GH2: variants seen among roughly 807,000 people sequenced by gnomAD.
The protein encoded by GH2 is growth hormone variant.
In GH2, 17 loss-of-function variants were observed where a neutral mutation model predicts 24.1. The ratio of observed to expected loss-of-function variants is 0.71; its 90% CI spans 0.48 to 1.06. The LOEUF is 1.06. GH2 is among the 50% of genes least tolerant of loss of function. GH2 has a pLI of 0.00. For synonymous variants in GH2, 126 were observed against 118.7 expected (o/e 1.06, Z -0.40); for missense variants, 305 against 273.1 (o/e 1.12, Z -0.82).
In GH2 at chr17:63,880,371, A is replaced by G. The variant is rs1255583508; in HGVS notation, c.604T>C (p.Phe202Leu). ...GAGCGGCACTGCACGATGCGCAGGA[A>G]TGTCTCGACCTTGTCCATGTCCTTC... ...FRKDMDKVET[F>L]LRIVQCRSVE... Residue 202 changes from phenylalanine (F) to leucine (L), a missense_variant, in exon 5 of 5, where the codon TTC (phenylalanine) becomes CTC (leucine). Physicochemically the swap from Phe to Leu is conservative, Grantham distance 22. Coordinates refer to ENST00000423893, the MANE Select transcript of GH2 (RefSeq NM_002059.5). 6.2e-7 allele frequency: 1 copy of G among 1,613,806 alleles called. No individual in the cohort carries two copies. Among genetic ancestry groups the G allele is most frequent in the Non-Finnish European group, 8.5e-7 (1 of 1,179,794 alleles).
At chr17:63,881,683 T>G in intron 1 of GH2, 109 bp downstream of exon 1, 2 of 1,609,920 alleles carry the variant, frequency 1.2e-6, no homozygotes, top group Non-Finnish European at 1.7e-6. Context: ...ATGGCGATAC[T>G]AACATTCATA....
intron 2 of GH2, 60 bp downstream of exon 2, chr17:63,881,299 G>A: frequency 6.2e-7 from 1 of 1,610,692 alleles, no homozygotes; most frequent in Non-Finnish European, 8.5e-7. Flanking sequence ...TTACTTCCCA[G>A]CGGGGGAAAG....
chr17:63,881,567 C>T (rs545905349), intron 1 of GH2, 48 bp from the exon 2 acceptor site: 3 of 1,610,426 alleles, frequency 1.9e-6, no homozygotes, highest in African/African-American at 1.4e-5. Flanking sequence ...AGCAAGAGGC[C>T]AGCGCTCTCC....
Position 63,880,840 on chromosome 17 carries a change from C to T in GH2, c.388G>A (p.Gly130Ser), listed in dbSNP as rs1905462960. 4 of 1,613,950 alleles carry T rather than the reference C, an allele frequency of 2.5e-6. No homozygotes were observed. Among genetic ancestry groups the T allele is most frequent in the Non-Finnish European group, 3.4e-6 (4 of 1,179,960 alleles). Residue 130 changes from glycine to serine, a missense_variant, in exon 4 of 5, where the codon GGC becomes AGC. Coordinates refer to ENST00000423893, the MANE Select transcript of GH2 (RefSeq NM_002059.5). ...RSVFANSLVYGASDSNVYRHL... is the reference protein window; with the variant it reads ...RSVFANSLVYSASDSNVYRHL... Reference sequence around the variant, plus strand: ...CGATAGACGTTGCTGTCCGAGGCGCCATACACCAGGCTGTTGGCGAAGACG... The same window carrying T: ...CGATAGACGTTGCTGTCCGAGGCGCTATACACCAGGCTGTTGGCGAAGACG...
rs1905460989 is a variant in GH2, at chr17:63,880,827, C to T, written c.401G>A (p.Ser134Asn). 1 of 1,613,966 alleles carries T rather than the reference C, an allele frequency of 6.2e-7. No homozygotes were observed. Among genetic ancestry groups the T allele is most frequent in the African/African-American group, 1.3e-5 (1 of 74,916 alleles). Residue 134 changes from serine (S) to asparagine (N), a missense_variant, in exon 4 of 5, where the codon AGC becomes AAC. Transcript: ENST00000423893. ...GTCCTTCAGGTGGCGATAGACGTTG[C>T]TGTCCGAGGCGCCATACACCAGGCT... Reference protein sequence around the residue: ...ANSLVYGASDSNVYRHLKDLE... With the variant: ...ANSLVYGASDNNVYRHLKDLE...
rs199558095 is a variant in GH2 at position 63,880,921 on chromosome 17, G to A, written c.307C>T (p.Arg103Cys). 7.3e-5 allele frequency: 118 copies of A among 1,613,958 alleles called. 1 individual carries two copies. The highest frequency in any genetic ancestry group is 1.6e-4 in the Middle Eastern group (1 of 6,082). The change falls in exon 4 of 5, where the codon CGC becomes TGC. Residue 103 changes from arginine (R) to cysteine (C), a missense_variant. Transcript: ENST00000423893. ...TQQKSNLELL[R>C]ISLLLIQSWL... Reference sequence around the variant, plus strand: ...GACTGGATGAGCAGCAGGGAGATGCGGAGCAGCTCTAGGTTCTGCAGGGGA... The same window carrying A: ...GACTGGATGAGCAGCAGGGAGATGCAGAGCAGCTCTAGGTTCTGCAGGGGA...
intron 4 of GH2, 57 bp from the exon 5 acceptor site, chr17:63,880,575 C>T (rs754220442): frequency 8.1e-6 from 13 of 1,613,778 alleles, no homozygotes; most frequent in Non-Finnish European, 9.3e-6. Context: ...TTCCCTCCCT[C>T]TCTCATTCAT....
chr17:63,881,906 T>C lies in GH2; in HGVS notation c.-105A>G. On this transcript the variant is annotated 5_prime_UTR_variant, in exon 1 of 5. Coordinates refer to ENST00000423893, the MANE Select transcript of GH2 (RefSeq NM_002059.5). ...GGCCCTTTTTATACCTGGCCCCTTC[T>C]CTCTCGCTGCTTCTCCTCACCTGTT... is the stretch of plus-strand genomic sequence containing the variant. The C allele has an allele frequency of 6.2e-7, 1 of 1,610,218 alleles. No individual in the cohort carries two copies.
At chr17:63,881,587 G>A (rs1905536361) in intron 1 of GH2, 68 bp from the exon 2 acceptor site, 7 of 1,579,770 alleles carry the variant, frequency 4.4e-6, no homozygotes, top group Non-Finnish European at 6.0e-6. Context: ...CCTGTTCCAG[G>A]AGCTGGGTTT....
At chr17:63,881,004 A>G (rs756172652) in intron 3 of GH2, 25 bp downstream of exon 3, 23 of 1,613,872 alleles carry the variant, frequency 1.4e-5, no homozygotes, top group Middle Eastern at 3.3e-4. Context: ...CCCCATCCCC[A>G]CCTGGGGAGA....
At chr17:63,881,703 C>G in intron 1 of GH2, 89 bp downstream of exon 1, 1 of 1,611,490 alleles carries the variant, frequency 6.2e-7, no homozygotes, top group Non-Finnish European at 8.5e-7. Context: ...AAGCCCCAAA[C>G]CTGAGGGTTA....
rs1221473531 is a variant in GH2 at position 63,881,300 on chromosome 17, C to T, written c.171+59G>A. ...TTAGTCTCCTCCCATTACTTCCCAG[C>T]GGGGGAAAGTCACCCCTTCCTGCCA... On this transcript the variant is annotated intron_variant, in intron 2 of 4. Coordinates refer to ENST00000423893, the MANE Select transcript of GH2 (RefSeq NM_002059.5). 79 of 1,610,582 alleles carry T rather than the reference C, an allele frequency of 4.9e-5. 2 individuals carry two copies. Among genetic ancestry groups the T allele is most frequent in the Admixed American group, 4.2e-4 (25 of 59,986 alleles).
chr17:63,881,642 C>G, intron 1 of GH2, 123 bp from the exon 2 acceptor site: 1 of 1,605,294 alleles, frequency 6.2e-7, no homozygotes, highest in Non-Finnish European at 8.5e-7. Context: ...GGACCAGGAA[C>G]ATTCAGAGAT....
Position 63,881,793 on chromosome 17 carries a change from T to C in GH2, c.9A>G (p.Ala3=), listed in dbSNP as rs1255202674. 1 of 1,613,358 alleles carries C rather than the reference T, an allele frequency of 6.2e-7. No homozygotes were observed. The highest frequency in any genetic ancestry group is 1.8e-4 in the Middle Eastern group (1 of 5,646). ...CAAAGGGATTTTAGGGGCGCTTACC[T>C]GCAGCCATTGCCGCTAGGTGAGCTG... MA[A]GSRTSLLLAF... The change falls in exon 1 of 5, where the codon GCA becomes GCG. Residue 3 remains alanine, a splice_region_variant and synonymous_variant. Transcript: ENST00000423893.
At position 63,880,235 on chromosome 17, in the gene GH2, A is replaced by G. The variant is rs1435515747; in HGVS notation, c.*86T>C. ...CAAAATGATGCAACTTAATTTTATT[A>G]GGACAAGGCTGGTGGGCACTGGAGT... On this transcript the variant is annotated 3_prime_UTR_variant, in exon 5 of 5. Transcript: ENST00000423893. The G allele has an allele frequency of 2.5e-6, 4 of 1,602,392 alleles. No individual in the cohort carries two copies. Among genetic ancestry groups the G allele is most frequent in the South Asian group, 1.1e-5 (1 of 90,638 alleles).
chr17:63,881,580 G>C, intron 1 of GH2, 61 bp from the exon 2 acceptor site: 1 of 1,592,202 alleles, frequency 6.3e-7, no homozygotes, highest in Non-Finnish European at 8.5e-7. Flanking sequence ...CGCTCTCCCT[G>C]TTCCAGGAGC....
At chr17:63,881,301 G>C in intron 2 of GH2, 58 bp downstream of exon 2, 1 of 1,611,020 alleles carries the variant, frequency 6.2e-7, no homozygotes, top group Non-Finnish European at 8.5e-7. Flanking sequence ...ACTTCCCAGC[G>C]GGGGAAAGTC....
At chr17:63,881,734 G>A (rs1905550537) in intron 1 of GH2, 58 bp downstream of exon 1, 1 of 1,611,976 alleles carries the variant, frequency 6.2e-7, no homozygotes, top group South Asian at 1.1e-5. Context: ...CCCATCTACA[G>A]GACGCCGCCT....
rs777594878 is a variant in GH2 at position 63,881,532 on chromosome 17, C to T, written c.11-13G>A. On this transcript the variant is annotated splice_polypyrimidine_tract_variant and intron_variant, in intron 1 of 4. Coordinates refer to ENST00000423893, the MANE Select transcript of GH2 (RefSeq NM_002059.5). ...GACGTCCGGGAGCCTGGGGAGAAAC[C>T]GGAGGGCAACAGAGGGAGCTGGAGA... 31 of 1,613,516 alleles carry T rather than the reference C, an allele frequency of 1.9e-5. No individual in the cohort carries two copies. The East Asian group carries it at 5.3e-4, about 28-fold the overall frequency.
Sources: gnomAD v4.1 joint callset for allele counts on GRCh38, gnomAD v4.1.1 for gene constraint, MANE v1.5 for transcripts, NCBI Gene and HGNC (gene_info 2026-07-23, HGNC 2026-07-21) for gene names.